Variants in CSMD1 observed in about 807,000 individuals in gnomAD.
CSMD1 encodes the protein CUB and sushi domain-containing protein 1.
In CSMD1, 213 loss-of-function variants were observed where a neutral mutation model predicts 417.5. The observed-to-expected ratio is 0.51, with a 90% CI of 0.46 to 0.57. The LOEUF is 0.57. Among genes scored for constraint, CSMD1 ranks in the 20% least tolerant of loss-of-function variants. The probability of loss-of-function intolerance (pLI) is 0.00; values close to 1 mark genes in which losing one functional copy is unlikely to be tolerated. For synonymous variants in CSMD1, 2,862 were observed against 1,736.8 expected (o/e 1.65, Z -16.11); for missense variants, 6,923 against 4,529.7 (o/e 1.53, Z -15.17).
chr8:4,309,503 T>G (rs1282525744), intron 3 of CSMD1, among the ~76,000 whole-genome samples: 1 of 152,138 alleles, frequency 6.6e-6, no homozygotes, highest in African/African-American at 2.4e-5. Flanking sequence ...ATCAAATTTC[T>G]AAACTAAAAG....
intron 52 of CSMD1, among the ~76,000 whole-genome samples, chr8:3,007,886 C>G (rs1436902230): frequency 1.3e-5 from 2 of 151,430 alleles, no homozygotes; most frequent in Non-Finnish European, 2.9e-5. Flanking sequence ...CCAACCTGCA[C>G]AATGTGCACA....
At chr8:4,737,901 A>G (rs992381556) in intron 1 of CSMD1, among the ~76,000 whole-genome samples, 3 of 152,238 alleles carry the variant, frequency 2.0e-5, no homozygotes, top group African/African-American at 7.2e-5. Context: ...AAGGAAATTG[A>G]TAGCAAAATT....
chr8:4,220,829 G>A (rs577996747), intron 3 of CSMD1, among the ~76,000 whole-genome samples: 5 of 152,194 alleles, frequency 3.3e-5, no homozygotes, highest in African/African-American at 9.7e-5. Flanking sequence ...CCATGGGGCT[G>A]AGTGAGAACT....
intron 2 of CSMD1, among the ~76,000 whole-genome samples, chr8:4,488,953 C>G (rs1045267697): frequency 6.6e-6 from 1 of 152,130 alleles, no homozygotes; most frequent in Non-Finnish European, 1.5e-5. Context: ...GCTCTTTCAC[C>G]CAGGCTGAAG....
chr8:4,446,787 G>C (rs1040172949), intron 2 of CSMD1, among the ~76,000 whole-genome samples: 1 of 127,680 alleles, frequency 7.8e-6, no homozygotes, highest in African/African-American at 3.4e-5. Context: ...GTGTGTGTGT[G>C]TGTGTGTGTA....
At chr8:3,638,658 C>T (rs1422163155) in intron 7 of CSMD1, among the ~76,000 whole-genome samples, 2 of 152,060 alleles carry the variant, frequency 1.3e-5, no homozygotes, top group Admixed American at 6.6e-5. Context: ...GCAAGATGTA[C>T]CTAGAAAGAA....
At chr8:3,074,564 T>A (rs188733549) in intron 49 of CSMD1, among the ~76,000 whole-genome samples, 68 of 152,312 alleles carry the variant, frequency 4.5e-4, no homozygotes, top group Non-Finnish European at 7.8e-4. Flanking sequence ...GATAACCCAA[T>A]ATGTCATCTG....
intron 5 of CSMD1, among the ~76,000 whole-genome samples, chr8:3,934,637 T>C (rs185686208): frequency 1.4e-4 from 21 of 152,148 alleles, no homozygotes; most frequent in African/African-American, 4.8e-4. Context: ...GTAGATCACC[T>C]CAGGTCAGGA....
At chr8:3,308,655 T>TAACAAATAGCCC (rs1805081539) in intron 23 of CSMD1, among the ~76,000 whole-genome samples, 152 bp from the exon 24 acceptor site, 1 of 151,532 alleles carries the variant, frequency 6.6e-6, no homozygotes, top group South Asian at 2.1e-4. Flanking sequence ...GAAAGATGGG[T>TAACAAATAGCCC]CTGTACTGGG....
intron 5 of CSMD1, among the ~76,000 whole-genome samples, chr8:3,825,256 G>T (rs1323601996): frequency 2.0e-5 from 3 of 152,170 alleles, no homozygotes; most frequent in African/African-American, 7.2e-5. Flanking sequence ...GAGGCCGGGT[G>T]TGGTGGCTCA....
intron 2 of CSMD1, among the ~76,000 whole-genome samples, chr8:4,512,861 C>G (rs776206834): frequency 6.6e-6 from 1 of 150,546 alleles, no homozygotes; most frequent in African/African-American, 2.4e-5. Context: ...TCAGCTCTTT[C>G]GAACTTTAAA....
chr8:4,971,193 G>A (rs973310840), intron 1 of CSMD1, among the ~76,000 whole-genome samples: 1 of 151,916 alleles, frequency 6.6e-6, no homozygotes, highest in Non-Finnish European at 1.5e-5. Context: ...CAAAGCATAT[G>A]CTGACATAAT....
At chr8:4,405,374 G>A (rs1563139297) in intron 3 of CSMD1, among the ~76,000 whole-genome samples, 1 of 151,742 alleles carries the variant, frequency 6.6e-6, no homozygotes. Flanking sequence ...TTAGATTCTG[G>A]CACAAACTAC....
chr8:3,959,230 T>G (rs1812162843), intron 5 of CSMD1, among the ~76,000 whole-genome samples: 1 of 152,194 alleles, frequency 6.6e-6, no homozygotes, highest in Non-Finnish European at 1.5e-5. Flanking sequence ...CAGAGCAGGG[T>G]GGGACACGTG....
In CSMD1 at chr8:3,930,872, G is replaced by T. The variant is rs954371499; in HGVS notation, c.818+67031C>A. Among the ~76,000 whole-genome samples the T allele has an allele frequency of 6.6e-5, 10 of 150,676 alleles. No homozygotes were observed. In the East Asian group the frequency reaches 1.9e-3, roughly 29 times the overall value. On this transcript the variant is annotated intron_variant, in intron 5 of 69. Coordinates refer to ENST00000635120, the MANE Select transcript of CSMD1 (RefSeq NM_033225.6). ...ATCTTAATAGTTAACTTACATTTTA[G>T]TCTAGTTTTAAAACCTAACAAATGT...
At chr8:4,006,235 C>G (rs150310571) in intron 4 of CSMD1, among the ~76,000 whole-genome samples, 1 of 152,064 alleles carries the variant, frequency 6.6e-6, no homozygotes, top group Admixed American at 6.6e-5. Flanking sequence ...TGACTTTGTG[C>G]GCAGGAGTAA....
At chr8:3,231,378 A>G (rs1000592380) in intron 26 of CSMD1, among the ~76,000 whole-genome samples, 1 of 152,194 alleles carries the variant, frequency 6.6e-6, no homozygotes, top group Non-Finnish European at 1.5e-5. Context: ...AGCAAAAAAA[A>G]AGAGATTAGT....
intron 7 of CSMD1, among the ~76,000 whole-genome samples, chr8:3,684,625 T>A (rs1799849979): frequency 6.8e-6 from 1 of 146,056 alleles, no homozygotes; most frequent in Non-Finnish European, 1.5e-5. Flanking sequence ...TTAGACGGAG[T>A]CTCGCTCTCT....
chr8:3,824,874 G>C (rs1036780978), intron 5 of CSMD1, among the ~76,000 whole-genome samples: 1 of 151,860 alleles, frequency 6.6e-6, no homozygotes, highest in African/African-American at 2.4e-5. Context: ...CCTGACACAG[G>C]CTTTAATAAA....
Sources: allele counts gnomAD v4.1 joint callset (sites outside exome capture counted in the v4.1 genomes callset), GRCh38; gene constraint gnomAD v4.1.1; transcripts MANE v1.5; gene names NCBI Gene and HGNC (gene_info 2026-07-23, HGNC 2026-07-21).